ADAMTS17: variants seen among roughly 807,000 people sequenced by gnomAD.
ADAMTS17 encodes the protein A disintegrin and metalloproteinase with thrombospondin motifs 17.
ADAMTS17 carries 113 observed loss-of-function variants against 141.5 expected under a neutral mutation model. That is an observed-to-expected ratio of 0.80 (90% CI 0.69 to 0.93). The LOEUF is 0.93. Ranked by LOEUF, ADAMTS17 falls within the 40% of genes least tolerant of loss-of-function variation. The probability of loss-of-function intolerance (pLI) is 0.00; values close to 1 mark genes in which losing one functional copy is unlikely to be tolerated. For missense variants in ADAMTS17, 1,659 were observed against 1,517.9 expected (o/e 1.09, Z -1.54); for synonymous variants, 768 against 630.6 (o/e 1.22, Z -3.27).
intron 18 of ADAMTS17, among the ~76,000 whole-genome samples, chr15:100,015,693 C>T (rs185367336): frequency 2.0e-5 from 3 of 152,284 alleles, no homozygotes; most frequent in Admixed American, 6.5e-5. Flanking sequence ...GAAGATAGGG[C>T]CCCAATCTCT....
intron 16 of ADAMTS17, among the ~76,000 whole-genome samples, chr15:100,052,973 G>A (rs1222546081): frequency 2.6e-5 from 4 of 152,222 alleles, no homozygotes; most frequent in Non-Finnish European, 5.9e-5. Context: ...GAGATTCCCT[G>A]GGCAATGGCT....
chr15:100,336,401 C>T (rs1010741659), intron 2 of ADAMTS17, among the ~76,000 whole-genome samples: 1 of 152,216 alleles, frequency 6.6e-6, no homozygotes, highest in Non-Finnish European at 1.5e-5. Flanking sequence ...TGAGTTCTTC[C>T]CTCCAATACT....
At chr15:100,244,161 C>A (rs987458989) in intron 7 of ADAMTS17, among the ~76,000 whole-genome samples, 17 of 151,916 alleles carry the variant, frequency 1.1e-4, no homozygotes, top group Non-Finnish European at 2.2e-4. Context: ...ATGAAACTAT[C>A]AGATCTCATG....
In ADAMTS17 at chr15:100,026,701, G is replaced by T. The variant is rs573144073; in HGVS notation, c.2591+22156C>A. Among the ~76,000 whole-genome samples the T allele has an allele frequency of 6.6e-5, 10 of 152,356 alleles. No individual in the cohort carries two copies. The South Asian group carries it at 8.3e-4, about 13-fold the overall frequency. ...TGCTGCTGCCCGAGGCACAGGCATG[G>T]CTTCTGTTTTTAAGTCCCTATTAAA... On this transcript the variant is annotated intron_variant, in intron 18 of 21. Transcript: ENST00000268070.
At chr15:100,321,829 C>T (rs1175819097) in intron 3 of ADAMTS17, among the ~76,000 whole-genome samples, 1 of 152,206 alleles carries the variant, frequency 6.6e-6, no homozygotes, top group East Asian at 1.9e-4. Context: ...TGACATCACA[C>T]TAACTTCAGT....
chr15:100,063,146 G>A (rs571121890), intron 15 of ADAMTS17, among the ~76,000 whole-genome samples: 10 of 152,372 alleles, frequency 6.6e-5, no homozygotes, highest in African/African-American at 2.4e-4. Context: ...AAAGATGCAG[G>A]TGTTTGTGCT....
intron 17 of ADAMTS17, 119 bp from the exon 18 acceptor site, chr15:100,049,111 T>C (rs11637379): frequency 6.9e-7 from 1 of 1,450,058 alleles, no homozygotes; most frequent in African/African-American, 1.4e-5. Context: ...TCATTTAAAG[T>C]GACTGCTGTA....
At chr15:100,268,988 A>G in intron 4 of ADAMTS17, among the ~76,000 whole-genome samples, 1 of 152,062 alleles carries the variant, frequency 6.6e-6, no homozygotes, top group East Asian at 1.9e-4. Context: ...TCATACCTAC[A>G]ACCATCTAAT....
In ADAMTS17 at chr15:100,062,773, G is replaced by A. The variant is rs56891438; in HGVS notation, c.2138-8719C>T. 5.9e-3 allele frequency among the ~76,000 whole-genome samples: 902 copies of A among 152,298 alleles called. 9 individuals are homozygous for A. Among genetic ancestry groups the A allele is most frequent in the African/African-American group, 0.021 (856 of 41,552 alleles). On this transcript the variant is annotated intron_variant, in intron 15 of 21. Transcript: ENST00000268070. ...TTTGCAACACAGGCTGAGAGATGAT[G>A]ACATGAAAACAGCTCAGAAGAGGGG... is the stretch of plus-strand genomic sequence containing the variant.
chr15:100,069,287 G>A (rs539263060), intron 15 of ADAMTS17, among the ~76,000 whole-genome samples: 58 of 152,288 alleles, frequency 3.8e-4, no homozygotes, highest in African/African-American at 1.2e-3. Context: ...TGAAAGTGAC[G>A]GGGAGAATGG....
At chr15:100,263,992 C>T (rs1160784984) in intron 4 of ADAMTS17, among the ~76,000 whole-genome samples, 5 of 152,194 alleles carry the variant, frequency 3.3e-5, no homozygotes, top group East Asian at 1.9e-4. Context: ...TGAGCATCTC[C>T]GTGACAAAGG....
intron 7 of ADAMTS17, among the ~76,000 whole-genome samples, chr15:100,243,529 C>T (rs1258142398): frequency 6.6e-6 from 1 of 152,188 alleles, no homozygotes; most frequent in Non-Finnish European, 1.5e-5. Flanking sequence ...ATGGCTCACG[C>T]CAGTAATCCT....
chr15:100,301,066 T>G (rs1311843052), intron 3 of ADAMTS17, among the ~76,000 whole-genome samples: 1 of 152,204 alleles, frequency 6.6e-6, no homozygotes, highest in African/African-American at 2.4e-5. Flanking sequence ...AGTTTTAAAA[T>G]AAGTGAAAGA....
At chr15:100,068,596 A>T (rs1020199940) in intron 15 of ADAMTS17, among the ~76,000 whole-genome samples, 4 of 152,208 alleles carry the variant, frequency 2.6e-5, no homozygotes, top group African/African-American at 9.6e-5. Context: ...CTGTTCACCA[A>T]TATCCGTTGT....
rs1302158625 is a variant in ADAMTS17 at position 100,166,426 on chromosome 15, A to C, written c.1182-11106T>G. Among the ~76,000 whole-genome samples the C allele has an allele frequency of 2.6e-5, 4 of 152,194 alleles. No homozygotes were observed. The South Asian group carries it at 8.3e-4, about 32-fold the overall frequency. ...AACAGGACTTCTAAAATAATATTAA[A>C]TATCAGTTACAACATGGGCACCTTT... On this transcript the variant is annotated intron_variant, in intron 8 of 21. Coordinates refer to ENST00000268070, the MANE Select transcript of ADAMTS17 (RefSeq NM_139057.4).
intron 10 of ADAMTS17, among the ~76,000 whole-genome samples, chr15:100,152,395 G>A (rs2039211275): frequency 6.6e-6 from 1 of 152,164 alleles, no homozygotes; most frequent in African/African-American, 2.4e-5. Context: ...ATGTGTGTAT[G>A]GCTATATGGG....
chr15:100,115,338 C>T (rs537758662), intron 13 of ADAMTS17, among the ~76,000 whole-genome samples: 1 of 152,342 alleles, frequency 6.6e-6, no homozygotes, highest in East Asian at 1.9e-4. Flanking sequence ...GGTCTCCCCT[C>T]TCCCTCAACT....
In ADAMTS17 at chr15:100,152,720, G is replaced by A. The variant is rs943796773; in HGVS notation, c.1365C>T (p.Ser455=). The change falls in exon 10 of 22, where the codon AGC becomes AGT. Residue 455 remains serine (S), a synonymous_variant. Transcript: ENST00000268070. Reference sequence around the variant, plus strand: ...TGTGCGGGAGGCGTACTGTGTGCTGGCTTCTGGGGTCCGTGACTAGCAAGC... The same window carrying A: ...TGTGCGGGAGGCGTACTGTGTGCTGACTTCTGGGGTCCGTGACTAGCAAGC... The part of the protein sequence containing the change: ...STCLLVTDPR[S]QHTVRLPHKL... The A allele has an allele frequency of 6.2e-7, 1 of 1,614,238 alleles. No homozygotes were observed. Among genetic ancestry groups the A allele is most frequent in the Non-Finnish European group, 8.5e-7 (1 of 1,180,052 alleles).
In ADAMTS17 at chr15:100,341,220, C is replaced by T; in HGVS notation, c.269G>A (p.Arg90His). 1 of 1,438,912 alleles carries T rather than the reference C, an allele frequency of 6.9e-7. No individual in the cohort carries two copies. The highest frequency in any genetic ancestry group is 9.1e-7 in the Non-Finnish European group (1 of 1,097,026). The allele number at this position is 1,438,912 out of a possible 1,614,324, so 89.1% of individuals were successfully genotyped here. ...ALLLHLPAFG[R>H]DLYLQLRRDL... ...GCGGCGCAGCTGAAGGTACAGGTCG[C>T]GCCCGAAGGCCGGCAGGTGCAGCAG... Residue 90 changes from arginine (R) to histidine (H), a missense_variant, in exon 2 of 22, where the codon CGC becomes CAC. Physicochemically the swap from Arg to His is conservative, Grantham distance 29 (BLOSUM62 0). Coordinates refer to ENST00000268070, the MANE Select transcript of ADAMTS17 (RefSeq NM_139057.4).
Sources: gnomAD v4.1 joint callset for allele counts (sites outside exome capture counted in the v4.1 genomes callset) on GRCh38, gnomAD v4.1.1 for gene constraint, MANE v1.5 for transcripts, NCBI Gene and HGNC (gene_info 2026-07-23, HGNC 2026-07-21) for gene names.